Variants in SH3RF3 observed in about 807,000 individuals in gnomAD.
SH3RF3 encodes SH3 domain containing ring finger 3, also known as E3 ubiquitin-protein ligase SH3RF3.
A neutral mutation model predicts 66.3 loss-of-function variants in SH3RF3; 29 were observed. The observed-to-expected ratio is 0.44, with a 90% CI of 0.33 to 0.60. The LOEUF is 0.60. Among genes scored for constraint, SH3RF3 ranks in the 20% least tolerant of loss-of-function variants. SH3RF3 has a pLI of 0.04. For missense variants in SH3RF3, 1,194 were observed against 1,190.9 expected (o/e 1.00, Z -0.04); for synonymous variants, 583 against 532.0 (o/e 1.10, Z -1.32).
intron 2 of SH3RF3, among the ~76,000 whole-genome samples, chr2:109,355,325 C>T (rs533662281): frequency 6.6e-6 from 1 of 152,326 alleles, no homozygotes; most frequent in South Asian, 2.1e-4. Flanking sequence ...CTTCATCTGA[C>T]TCTTGGTGAT....
chr2:109,335,337 A>G (rs1682387525), intron 1 of SH3RF3, among the ~76,000 whole-genome samples: 1 of 152,120 alleles, frequency 6.6e-6, no homozygotes, highest in Non-Finnish European at 1.5e-5. Context: ...TTCCACATTG[A>G]AAACTCTCAA....
chr2:109,210,041 G>T (rs937863182), intron 1 of SH3RF3, among the ~76,000 whole-genome samples: 3 of 152,164 alleles, frequency 2.0e-5, no homozygotes, highest in Non-Finnish European at 2.9e-5. Context: ...TCTAGGGACC[G>T]CAGAGTCAAA....
intron 8 of SH3RF3, 33 bp downstream of exon 8, chr2:109,449,522 C>T (rs1171938011): frequency 2.5e-6 from 4 of 1,603,418 alleles, no homozygotes; most frequent in South Asian, 2.2e-5. Context: ...GCCCTGGGCT[C>T]GAGGCCAGCT....
intron 1 of SH3RF3, among the ~76,000 whole-genome samples, chr2:109,237,743 G>A (rs1445492320): frequency 1.3e-5 from 2 of 152,118 alleles, no homozygotes; most frequent in Admixed American, 6.5e-5. Flanking sequence ...CTTTGATTTA[G>A]CGATGACATC....
chr2:109,436,436 C>T (rs1410336891), intron 6 of SH3RF3, among the ~76,000 whole-genome samples: 2 of 152,210 alleles, frequency 1.3e-5, no homozygotes, highest in Admixed American at 6.5e-5. Flanking sequence ...TGTGTGTGCC[C>T]TTTCCCAGCA....
chr2:109,370,245 C>CTT (rs550342012), intron 2 of SH3RF3, among the ~76,000 whole-genome samples: 14 of 142,806 alleles, frequency 9.8e-5, no homozygotes, highest in African/African-American at 1.3e-4. Context: ...CTCTCTTTTT[C>CTT]TTTTTTTTTT....
intron 8 of SH3RF3, among the ~76,000 whole-genome samples, chr2:109,484,023 C>T (rs1678902373): frequency 6.6e-6 from 1 of 151,906 alleles, no homozygotes; most frequent in Admixed American, 6.6e-5. Flanking sequence ...CCAGCCTCCT[C>T]AGTTGGCCCT....
Position 109,398,680 on chromosome 2 carries a change from G to C in SH3RF3, c.1036G>C (p.Gly346Arg). ...CAATGCCTCCCTGCCCTCTGACTCCGGCGCTGTGGCCAGCGTGGCCCCAAG... is the reference window on the plus strand; with the variant it reads ...CAATGCCTCCCTGCCCTCTGACTCCCGCGCTGTGGCCAGCGTGGCCCCAAG... ...SCNASLPSDS[G>R]AVASVAPSPT... Residue 346 changes from glycine (G) to arginine (R), a missense_variant, in exon 4 of 10, where the codon GGC (glycine) becomes CGC (arginine). Physicochemically the swap from Gly to Arg is moderately radical, Grantham distance 125. Transcript: ENST00000309415. The C allele has an allele frequency of 2.5e-6, 4 of 1,609,764 alleles. No homozygotes were observed. The highest frequency in any genetic ancestry group is 2.5e-6 in the Non-Finnish European group (3 of 1,178,342).
chr2:109,258,227 G>A (rs1680266946), intron 1 of SH3RF3, among the ~76,000 whole-genome samples: 1 of 152,158 alleles, frequency 6.6e-6, no homozygotes. Context: ...TCCAGGAGTG[G>A]GGGACAGCCT....
chr2:109,249,479 TTC>T (rs1398182699), intron 1 of SH3RF3, among the ~76,000 whole-genome samples: 1 of 19,038 alleles, frequency 5.3e-5, no homozygotes, highest in East Asian at 2.9e-3. Context: ...CTTTCTTTCT[TTC>T]TTTCTTTCTT....
At chr2:109,346,194 T>C (rs1682693220) in intron 1 of SH3RF3, among the ~76,000 whole-genome samples, 3 of 152,154 alleles carry the variant, frequency 2.0e-5, no homozygotes, top group African/African-American at 7.2e-5. Flanking sequence ...TTTTTTTTTC[T>C]CTTCGAGTTC....
At chr2:109,452,776 AGGAGGCTGGTCCCTG>A (rs1396245205) in intron 8 of SH3RF3, among the ~76,000 whole-genome samples, 1 of 145,804 alleles carries the variant, frequency 6.9e-6, no homozygotes, top group Admixed American at 6.7e-5. Context: ...GGCTGGTCCC[AGGAGGCTGGTCCCTG>A]GGAGGCTGGT....
At position 109,449,417 on chromosome 2, in the gene SH3RF3, G is replaced by A. The variant is rs765389069; in HGVS notation, c.2076G>A (p.Gly692=). The A allele has an allele frequency of 2.2e-5, 36 of 1,613,574 alleles. No individual in the cohort carries two copies. Among genetic ancestry groups the A allele is most frequent in the Non-Finnish European group, 3.0e-5 (35 of 1,179,764 alleles). The change falls in exon 8 of 10, where the codon GGG becomes GGA. Residue 692 remains glycine, a synonymous_variant. Coordinates refer to ENST00000309415, the MANE Select transcript of SH3RF3 (RefSeq NM_001099289.3). ...ACCTCAACGGGGAGGCTGGAGGGGG[G>A]CCCATCGGTGTTCTGTCCACATCCA... ...AANLNGEAGG[G]PIGVLSTSSP... is the part of the protein sequence containing the mutation.
At chr2:109,455,461 T>A (rs1678025303) in intron 8 of SH3RF3, among the ~76,000 whole-genome samples, 1 of 152,226 alleles carries the variant, frequency 6.6e-6, no homozygotes, top group Non-Finnish European at 1.5e-5. Context: ...GTCTGGGGCG[T>A]GGAGTCTGTG....
At chr2:109,443,157 T>C (rs1057399224) in intron 7 of SH3RF3, among the ~76,000 whole-genome samples, 6 of 152,278 alleles carry the variant, frequency 3.9e-5, no homozygotes, top group African/African-American at 9.6e-5. Context: ...TGTACACATA[T>C]CTCACATAAA....
chr2:109,479,508 C>T (rs1391277440), intron 8 of SH3RF3, among the ~76,000 whole-genome samples: 4 of 152,084 alleles, frequency 2.6e-5, no homozygotes, highest in East Asian at 1.9e-4. Context: ...TAAGTTCCAC[C>T]GTATCTGTTC....
intron 1 of SH3RF3, among the ~76,000 whole-genome samples, chr2:109,210,612 G>T (rs546938695): frequency 1.3e-5 from 2 of 152,292 alleles, no homozygotes; most frequent in South Asian, 4.1e-4. Flanking sequence ...CCAGCTCAGG[G>T]AAGTGCCTGG....
At chr2:109,432,862 C>G (rs1461436582) in intron 6 of SH3RF3, among the ~76,000 whole-genome samples, 191 bp downstream of exon 6, 2 of 152,272 alleles carry the variant, frequency 1.3e-5, no homozygotes, top group Non-Finnish European at 2.9e-5. Context: ...TTGCACTCAA[C>G]TCCTTGGCTG....
intron 4 of SH3RF3, among the ~76,000 whole-genome samples, chr2:109,407,687 A>C (rs2104472377): frequency 6.6e-6 from 1 of 152,328 alleles, no homozygotes; most frequent in South Asian, 2.1e-4. Context: ...GAAAGTTATA[A>C]ATTTAATTAC....
Sources: allele counts gnomAD v4.1 joint callset (sites outside exome capture counted in the v4.1 genomes callset), GRCh38; gene constraint gnomAD v4.1.1; transcripts MANE v1.5; gene names NCBI Gene and HGNC (gene_info 2026-07-23, HGNC 2026-07-21).